Variants in FHIT observed in about 807,000 individuals in gnomAD.
FHIT encodes fragile histidine triad diadenosine triphosphatase, also known as bis(5'-adenosyl)-triphosphatase.
FHIT carries 19 observed loss-of-function variants against 17.9 expected under a neutral mutation model. That is an observed-to-expected ratio of 1.06 (90% CI 0.74 to 1.56). The LOEUF is 1.56. Among genes scored for constraint, FHIT ranks in the 40% most tolerant of loss-of-function variants. The pLI is 0.00. For synonymous variants in FHIT, 81 were observed against 69.7 expected (o/e 1.16, Z -0.81); for missense variants, 248 against 189.2 (o/e 1.31, Z -1.82).
chr3:61,223,294 T>C (rs2039887027), intron 1 of FHIT, among the ~76,000 whole-genome samples: 1 of 152,126 alleles, frequency 6.6e-6, no homozygotes. Flanking sequence ...TGGCATGTGT[T>C]TTCAAGGACT....
intron 5 of FHIT, among the ~76,000 whole-genome samples, chr3:60,330,925 C>T (rs1433528803): frequency 6.6e-6 from 1 of 152,198 alleles, no homozygotes; most frequent in Non-Finnish European, 1.5e-5. Context: ...CAACCACAGT[C>T]TTGTTCACAT....
intron 2 of FHIT, among the ~76,000 whole-genome samples, chr3:61,154,885 A>G (rs2037491253): frequency 6.6e-6 from 1 of 152,172 alleles, no homozygotes; most frequent in Non-Finnish European, 1.5e-5. Context: ...ATGCGCTCCA[A>G]TTCAATAGCT....
intron 4 of FHIT, among the ~76,000 whole-genome samples, chr3:60,563,139 G>C (rs2037012569): frequency 6.6e-6 from 1 of 152,168 alleles, no homozygotes; most frequent in African/African-American, 2.4e-5. Flanking sequence ...AGCAAGCATG[G>C]AGAAACCACA....
chr3:60,136,021 T>C (rs1195188457), intron 5 of FHIT, among the ~76,000 whole-genome samples: 1 of 152,184 alleles, frequency 6.6e-6, no homozygotes, highest in Non-Finnish European at 1.5e-5. Flanking sequence ...ATTGCTGGTT[T>C]ACTGTCCATT....
chr3:60,648,263 A>T (rs1271780392), intron 4 of FHIT, among the ~76,000 whole-genome samples: 1 of 152,176 alleles, frequency 6.6e-6, no homozygotes, highest in Admixed American at 6.5e-5. Flanking sequence ...CGCTTTTGTT[A>T]TTTATAATGC....
chr3:60,922,247 G>A (rs1295541976), intron 3 of FHIT, among the ~76,000 whole-genome samples: 3 of 152,178 alleles, frequency 2.0e-5, no homozygotes, highest in Non-Finnish European at 1.5e-5. Context: ...ACTTGCTTGG[G>A]CACATTTGCT....
chr3:61,155,105 G>C (rs1390318105), intron 2 of FHIT, among the ~76,000 whole-genome samples: 1 of 152,196 alleles, frequency 6.6e-6, no homozygotes, highest in African/African-American at 2.4e-5. Context: ...CCCCAAGGCA[G>C]CAATCTACAT....
Position 59,951,314 on chromosome 3 carries a change from G to A in FHIT, c.280-28900C>T, listed in dbSNP as rs184741193. ...CTGTTTTTTGCTTTATTGCCTCCAC[G>A]ACTTTGTAGCCATTGCTGTTGACTG... is the stretch of plus-strand genomic sequence containing the variant. On this transcript the variant is annotated intron_variant, in intron 7 of 9. Coordinates refer to ENST00000492590, the MANE Select transcript of FHIT (RefSeq NM_002012.4). Among the ~76,000 whole-genome samples, 13 of 152,180 alleles carry A rather than the reference G, an allele frequency of 8.5e-5. No individual in the cohort carries two copies. The South Asian group carries it at 2.1e-3, about 24-fold the overall frequency.
chr3:60,526,026 C>T (rs796633389), intron 5 of FHIT, among the ~76,000 whole-genome samples: 3 of 152,204 alleles, frequency 2.0e-5, no homozygotes, highest in African/African-American at 7.2e-5. Flanking sequence ...TCACTTGAGT[C>T]CTGGAGCTCA....
chr3:60,666,612 G>C lies in FHIT; in HGVS notation c.-17-129633C>G, dbSNP rs138013814. On this transcript the variant is annotated intron_variant, in intron 4 of 9. Coordinates refer to ENST00000492590, the MANE Select transcript of FHIT (RefSeq NM_002012.4). ...GTTCATTCAGCTTCTTGAAGCTGTA[G>C]GTTTCTGTCTTTCACCAAATTAGTT... Among the ~76,000 whole-genome samples the C allele has an allele frequency of 9.9e-4, 151 of 152,216 alleles. 1 individual carries two copies. The East Asian group carries it at 0.015, about 15-fold the overall frequency.
At chr3:60,585,394 G>A (rs904902635) in intron 4 of FHIT, among the ~76,000 whole-genome samples, 1 of 151,996 alleles carries the variant, frequency 6.6e-6, no homozygotes, top group Non-Finnish European at 1.5e-5. Context: ...TCTTTACATT[G>A]TAAAGCTGTA....
chr3:60,296,326 C>A (rs938878574), intron 5 of FHIT, among the ~76,000 whole-genome samples: 1 of 152,008 alleles, frequency 6.6e-6, no homozygotes, highest in Non-Finnish European at 1.5e-5. Context: ...TCATTTTCCC[C>A]GCATCTTCAC....
chr3:59,972,806 C>A (rs1013104440), intron 7 of FHIT, among the ~76,000 whole-genome samples: 5 of 152,042 alleles, frequency 3.3e-5, no homozygotes, highest in Admixed American at 3.3e-4. Context: ...TGGTTTTCTA[C>A]CTTGTCTCCT....
intron 2 of FHIT, among the ~76,000 whole-genome samples, chr3:61,184,295 G>C (rs955166968): frequency 4.6e-5 from 7 of 152,000 alleles, no homozygotes; most frequent in Non-Finnish European, 1.0e-4. Context: ...GTGTCAAACT[G>C]AATGGCCCCT....
At chr3:60,169,029 T>C (rs1314928252) in intron 5 of FHIT, among the ~76,000 whole-genome samples, 1 of 152,180 alleles carries the variant, frequency 6.6e-6, no homozygotes, top group East Asian at 1.9e-4. Flanking sequence ...TCTTTGAATA[T>C]GGGGTAAAAG....
At chr3:61,155,124 A>ATAATAATAATTATTAT (rs1203495186) in intron 2 of FHIT, among the ~76,000 whole-genome samples, 1 of 152,186 alleles carries the variant, frequency 6.6e-6, no homozygotes, top group Non-Finnish European at 1.5e-5. Flanking sequence ...ATTTATTATA[A>ATAATAATAATTATTAT]CATTCATGGC....
intron 7 of FHIT, among the ~76,000 whole-genome samples, chr3:59,943,617 A>G (rs143860313): frequency 2.2e-4 from 34 of 152,264 alleles, no homozygotes; most frequent in African/African-American, 7.2e-4. Flanking sequence ...ATATTGTCCT[A>G]TGAGGCCCTG....
chr3:60,181,384 G>C lies in FHIT; in HGVS notation c.104-167232C>G, dbSNP rs182991815. The stretch of plus-strand genomic sequence containing the variant: ...TGGTCTCGAACTCCTGACCTCAAGT[G>C]ATCTGCCCACCTCGGCCTCCCAAAG... On this transcript the variant is annotated intron_variant, in intron 5 of 9. Coordinates refer to ENST00000492590, the MANE Select transcript of FHIT (RefSeq NM_002012.4). 5.1e-3 allele frequency among the ~76,000 whole-genome samples: 780 copies of C among 152,188 alleles called. 7 individuals carry two copies. Among genetic ancestry groups the C allele is most frequent in the African/African-American group, 0.018 (731 of 41,538 alleles).
At chr3:59,939,380 G>T (rs1009102595) in intron 7 of FHIT, among the ~76,000 whole-genome samples, 2 of 152,108 alleles carry the variant, frequency 1.3e-5, no homozygotes, top group African/African-American at 2.4e-5. Flanking sequence ...CTGCAGCAGA[G>T]TCTTAATAGC....
Sources: gnomAD v4.1 joint callset for allele counts (sites outside exome capture counted in the v4.1 genomes callset) on GRCh38, gnomAD v4.1.1 for gene constraint, MANE v1.5 for transcripts, NCBI Gene and HGNC (gene_info 2026-07-23, HGNC 2026-07-21) for gene names.